The following RNF152 variants were observed in gnomAD, a reference collection of about 807,000 sequenced individuals.
The protein encoded by RNF152 is E3 ubiquitin-protein ligase RNF152.
A neutral mutation model predicts 12.7 loss-of-function variants in RNF152; 11 were observed. The ratio of observed to expected loss-of-function variants is 0.86; its 90% CI spans 0.54 to 1.43. The LOEUF (loss-of-function observed/expected upper bound fraction) is 1.43, where lower values mean the gene tolerates loss of function less well. Ranked by LOEUF, RNF152 falls within the 40% of genes most tolerant of loss-of-function variation. The pLI is 0.00. For synonymous variants in RNF152, 113 were observed against 120.3 expected (o/e 0.94, Z 0.40); for missense variants, 255 against 274.8 (o/e 0.93, Z 0.51).
chr18:61,871,918 C>T (rs1912012528), intron 1 of RNF152, among the ~76,000 whole-genome samples: 1 of 152,070 alleles, frequency 6.6e-6, no homozygotes, highest in Admixed American at 6.5e-5. Context: ...AGAAAGGATC[C>T]TATATTAAGG....
chr18:61,848,604 C>G (rs75529025), intron 1 of RNF152, among the ~76,000 whole-genome samples: 7,379 of 152,198 alleles, frequency 0.048, 574 homozygotes, highest in African/African-American at 0.17. Context: ...AGGAACTGTA[C>G]GTAGGTCTAT....
upstream of RNF152, chr18:61,893,508 C>A (rs958874949): frequency 1.3e-5 from 2 of 152,674 alleles, no homozygotes; most frequent in Non-Finnish European, 2.9e-5. Context: ...ACCGCCGCTT[C>A]CCGAGCAGCG....
chr18:61,820,216 C>T (rs1909322861), intron 1 of RNF152, among the ~76,000 whole-genome samples: 1 of 149,786 alleles, frequency 6.7e-6, no homozygotes, highest in Non-Finnish European at 1.5e-5. Flanking sequence ...GTAGTCCCAG[C>T]TACTCGGGAG....
chr18:61,823,651 G>A (rs1187490559), intron 1 of RNF152, among the ~76,000 whole-genome samples: 1 of 152,256 alleles, frequency 6.6e-6, no homozygotes, highest in Admixed American at 6.5e-5. Context: ...GGCAGGCGAT[G>A]CTGACAGTGC....
At chr18:61,830,526 C>G (rs1443132328) in intron 1 of RNF152, among the ~76,000 whole-genome samples, 3 of 152,222 alleles carry the variant, frequency 2.0e-5, no homozygotes, top group Non-Finnish European at 4.4e-5. Flanking sequence ...GCTTATTTCA[C>G]TAAGCATGTC....
intron 1 of RNF152, among the ~76,000 whole-genome samples, chr18:61,853,785 C>T (rs887587771): frequency 1.3e-5 from 2 of 152,214 alleles, no homozygotes; most frequent in Non-Finnish European, 2.9e-5. Context: ...TTTCAACATC[C>T]TTAACCTAAT....
At chr18:61,818,229 C>T (rs1334902077) in intron 1 of RNF152, among the ~76,000 whole-genome samples, 1 of 152,100 alleles carries the variant, frequency 6.6e-6, no homozygotes, top group Non-Finnish European at 1.5e-5. Flanking sequence ...TTGAGACCAG[C>T]CTGGGCAACA....
intron 1 of RNF152, among the ~76,000 whole-genome samples, chr18:61,874,496 A>G (rs1912130979): frequency 1.3e-5 from 2 of 152,378 alleles, no homozygotes; most frequent in African/African-American, 4.8e-5. Flanking sequence ...AAAAAGCATT[A>G]GATCACCACA....
At chr18:61,829,781 T>A (rs1178162731) in intron 1 of RNF152, among the ~76,000 whole-genome samples, 2 of 151,932 alleles carry the variant, frequency 1.3e-5, no homozygotes, top group Non-Finnish European at 2.9e-5. Flanking sequence ...TCTTATGTTG[T>A]GAGAAGAAGT....
At position 61,816,453 on chromosome 18, in the gene RNF152, AG is replaced by A; in HGVS notation, c.10del (p.Leu4CysfsTer39). 1 of 1,603,030 alleles carries A rather than the reference AG, an allele frequency of 6.2e-7. No individual in the cohort carries two copies. The highest frequency in any genetic ancestry group is 8.5e-7 in the Non-Finnish European group (1 of 1,171,874). On this transcript the variant is annotated frameshift_variant, in exon 2 of 2. Transcript: ENST00000312828. LOFTEE classifies it high-confidence loss of function. Reference protein sequence around the residue: METLSQDSLLECQI... With the variant: METXSQDSLLECQI... The stretch of plus-strand genomic sequence containing the variant: ...ACATTCCAGCAGAGAGTCCTGGGAC[AG>A]CGTCTCCATGGTGGACCGTGAGCAG...
intron 1 of RNF152, among the ~76,000 whole-genome samples, chr18:61,828,686 T>G (rs1440789863): frequency 6.6e-6 from 1 of 152,260 alleles, no homozygotes; most frequent in Non-Finnish European, 1.5e-5. Context: ...AACAAAGTTT[T>G]TCATCCAACT....
At chr18:61,868,111 T>C (rs1911821571) in intron 1 of RNF152, among the ~76,000 whole-genome samples, 1 of 152,174 alleles carries the variant, frequency 6.6e-6, no homozygotes, top group Non-Finnish European at 1.5e-5. Context: ...TCCTGGCTCC[T>C]CTCTCCAGTC....
At chr18:61,827,712 C>T (rs1017540461) in intron 1 of RNF152, among the ~76,000 whole-genome samples, 25 of 152,124 alleles carry the variant, frequency 1.6e-4, no homozygotes, top group African/African-American at 5.6e-4. Flanking sequence ...ATTCATGGCA[C>T]GAGTTAAGCC....
At chr18:61,864,940 A>G (rs1166531756) in intron 1 of RNF152, among the ~76,000 whole-genome samples, 1 of 152,198 alleles carries the variant, frequency 6.6e-6, no homozygotes, top group Non-Finnish European at 1.5e-5. Flanking sequence ...GAATCGCTTG[A>G]ACCCAGGAGG....
intron 1 of RNF152, chr18:61,890,306 A>G (rs1182111528): frequency 6.6e-6 from 1 of 152,254 alleles, no homozygotes; most frequent in Non-Finnish European, 1.5e-5. Context: ...CACAAGAAAT[A>G]TTGAATTGTG....
chr18:61,844,829 G>A (rs974243976), intron 1 of RNF152, among the ~76,000 whole-genome samples: 1 of 151,960 alleles, frequency 6.6e-6, no homozygotes, highest in Admixed American at 6.6e-5. Context: ...AGTTTTAAAA[G>A]GCTCTGATGA....
intron 1 of RNF152, among the ~76,000 whole-genome samples, chr18:61,836,639 C>A (rs1474822576): frequency 6.6e-6 from 1 of 152,122 alleles, no homozygotes; most frequent in Admixed American, 6.6e-5. Context: ...GAAATAAATG[C>A]TTGTTCAACC....
chr18:61,833,135 G>A (rs1331208602), intron 1 of RNF152, among the ~76,000 whole-genome samples: 1 of 152,162 alleles, frequency 6.6e-6, no homozygotes, highest in Non-Finnish European at 1.5e-5. Flanking sequence ...CTTGCTTTAT[G>A]CATATTCTGA....
chr18:61,844,086 G>GAAAGAAAGAAAGAAAGAAAGAAAGAA lies in RNF152; in HGVS notation c.-135-27514_-135-27489dup, dbSNP rs1568275161. Among the ~76,000 whole-genome samples the GAAAGAAAGAAAGAAAGAAAGAAAGAA allele has an allele frequency of 1.7e-3, 106 of 63,828 alleles. 2 individuals are homozygous for GAAAGAAAGAAAGAAAGAAAGAAAGAA. Among genetic ancestry groups the GAAAGAAAGAAAGAAAGAAAGAAAGAA allele is most frequent in the East Asian group, 6.1e-3 (16 of 2,616 alleles). 41.9% of individuals were successfully genotyped at this position (63,828 alleles called of 152,430 possible). On this transcript the variant is annotated intron_variant, in intron 1 of 1. Coordinates refer to ENST00000312828, the MANE Select transcript of RNF152 (RefSeq NM_173557.3). Reference sequence around the variant, plus strand: ...GAAAGACAGAAAGAAAGGAAAGAAAGAAAGAAAGAAAGAAAGAAAGAAAGA... The same window carrying GAAAGAAAGAAAGAAAGAAAGAAAGAA: ...GAAAGACAGAAAGAAAGGAAAGAAAGAAAGAAAGAAAGAAAGAAAGAAAGAAAAAGAAAGAAAGAAAGAAAGAAAGA...
Sources: allele counts gnomAD v4.1 joint callset (sites outside exome capture counted in the v4.1 genomes callset), GRCh38; gene constraint gnomAD v4.1.1; transcripts MANE v1.5; gene names NCBI Gene and HGNC (gene_info 2026-07-23, HGNC 2026-07-21).